The following ARHGEF10L variants were observed in gnomAD, a reference collection of about 807,000 sequenced individuals.
ARHGEF10L encodes rho guanine nucleotide exchange factor 10-like protein.
In ARHGEF10L, 69 loss-of-function variants were observed where a neutral mutation model predicts 141.2. The observed-to-expected ratio is 0.49, with a 90% confidence interval of 0.40 to 0.60. The LOEUF (loss-of-function observed/expected upper bound fraction) is 0.60, where lower values mean the gene tolerates loss of function less well. Among genes scored for constraint, ARHGEF10L ranks in the 20% least tolerant of loss-of-function variants. The probability of loss-of-function intolerance (pLI) is 0.00; values close to 1 mark genes in which losing one functional copy is unlikely to be tolerated. For missense variants in ARHGEF10L, 1,482 were observed against 1,734.3 expected (o/e 0.85, Z 2.58); for synonymous variants, 711 against 718.5 (o/e 0.99, Z 0.17).
rs1201879968 is a variant in ARHGEF10L at position 17,619,949 on chromosome 1, G to A, written c.942+504G>A. On this transcript the variant is annotated intron_variant, in intron 10 of 28. Transcript: ENST00000361221. This position sits in a 1 kb window ranked among gnomAD's most constrained non-coding sequence, Gnocchi z 5.0. ...CATGCCTGTAACCCCAGCACTTTGG[G>A]AGGGTGAAGCCGGTGGGTCAGCTGA... 6.6e-6 allele frequency among the ~76,000 whole-genome samples: 1 copy of A among 152,152 alleles called. No homozygotes were observed. The highest frequency in any genetic ancestry group is 1.5e-5 in the Non-Finnish European group (1 of 68,028).
chr1:17,693,007 C>G (rs942259825), intron 27 of ARHGEF10L, among the ~76,000 whole-genome samples: 13 of 152,200 alleles, frequency 8.5e-5, no homozygotes, highest in Non-Finnish European at 1.5e-4. Context: ...AGAGGGAGGC[C>G]TGAAGACCCG....
chr1:17,652,862 G>T (rs888721634), intron 22 of ARHGEF10L, among the ~76,000 whole-genome samples: 3 of 152,158 alleles, frequency 2.0e-5, no homozygotes, highest in East Asian at 1.9e-4. Flanking sequence ...CCCACAGGGG[G>T]TCTGTGGCCA....
intron 1 of ARHGEF10L, among the ~76,000 whole-genome samples, chr1:17,541,770 C>A (rs538508355): frequency 6.6e-6 from 1 of 151,792 alleles, no homozygotes; most frequent in Admixed American, 6.6e-5. Context: ...GAGTTCAGGA[C>A]TAGCCTGGCC....
At chr1:17,531,226 G>C in the ARHGEF10L span, among the ~76,000 whole-genome samples, 1 of 152,076 alleles carries the variant, frequency 6.6e-6, no homozygotes, top group Non-Finnish European at 1.5e-5. Flanking sequence ...GGATACAGTG[G>C]GGACTCAGGG....
chr1:17,576,257 T>C (rs1020993428), intron 1 of ARHGEF10L, among the ~76,000 whole-genome samples: 17 of 152,016 alleles, frequency 1.1e-4, no homozygotes, highest in African/African-American at 4.1e-4. Context: ...AGATGGACTT[T>C]GAACCCTAGT....
chr1:17,609,503 C>G (rs1278956159), intron 7 of ARHGEF10L, among the ~76,000 whole-genome samples: 1 of 152,192 alleles, frequency 6.6e-6, no homozygotes, highest in Non-Finnish European at 1.5e-5. Flanking sequence ...GCTCAGTGAA[C>G]CTTTACGGTC....
At chr1:17,534,112 C>T in the ARHGEF10L span, among the ~76,000 whole-genome samples, 4 of 151,878 alleles carry the variant, frequency 2.6e-5, no homozygotes, top group Non-Finnish European at 5.9e-5. Flanking sequence ...CAAGCAGCTG[C>T]CACCACACCT....
intron 1 of ARHGEF10L, among the ~76,000 whole-genome samples, chr1:17,541,450 C>A (rs566340514): frequency 4.2e-4 from 64 of 152,300 alleles, no homozygotes; most frequent in Middle Eastern, 3.4e-3. Context: ...ACTAATGGTT[C>A]CCAAATTCTG....
chr1:17,610,521 T>G (rs2059492826), intron 7 of ARHGEF10L, among the ~76,000 whole-genome samples: 1 of 152,198 alleles, frequency 6.6e-6, no homozygotes, highest in Admixed American at 6.5e-5. Flanking sequence ...GACAGGAGGT[T>G]GCGGAGGGCT....
intron 10 of ARHGEF10L, among the ~76,000 whole-genome samples, chr1:17,620,045 C>CA (rs1269927512): frequency 6.6e-6 from 1 of 151,564 alleles, no homozygotes; most frequent in Non-Finnish European, 1.5e-5. Flanking sequence ...AAAAAACAAA[C>CA]AAAAAAAATT....
In ARHGEF10L at chr1:17,625,805, G is replaced by A. The variant is rs912377799; in HGVS notation, c.1318-151G>A. 3.7e-5 allele frequency: 25 copies of A among 667,066 alleles called. No homozygotes were observed. Among genetic ancestry groups the A allele is most frequent in the South Asian group, 5.5e-5 (3 of 54,096 alleles). The allele number at this position is 667,066 out of a possible 1,614,324, so 41.3% of individuals were successfully genotyped here. On this transcript the variant is annotated intron_variant, in intron 13 of 28. Transcript: ENST00000361221. The surrounding 1 kb of genome is among the most constrained non-coding windows in gnomAD (Gnocchi z 4.5). ...GAGGGATCCCTGGCTGCAGAACCAC[G>A]GACCTCTCTCAGCTCTTCTTGCAAG... is the stretch of plus-strand genomic sequence containing the variant.
At position 17,601,789 on chromosome 1, in the gene ARHGEF10L, C is replaced by T. The variant is rs536257512; in HGVS notation, c.258-338C>T. Among the ~76,000 whole-genome samples the T allele has an allele frequency of 1.9e-4, 29 of 152,260 alleles. 1 individual carries two copies. The highest frequency in any genetic ancestry group is 1.6e-3 in the Admixed American group (25 of 15,288). On this transcript the variant is annotated intron_variant, in intron 4 of 28. Transcript: ENST00000361221. Reference sequence around the variant, plus strand: ...AGAGGCAGGGATCCCCCAGCCTGCCCCTTCTGTTGTATGTGGGAGAGTGGA... The same window carrying T: ...AGAGGCAGGGATCCCCCAGCCTGCCTCTTCTGTTGTATGTGGGAGAGTGGA...
At chr1:17,684,620 G>C (rs1193539116) in intron 26 of ARHGEF10L, among the ~76,000 whole-genome samples, 1 of 152,178 alleles carries the variant, frequency 6.6e-6, no homozygotes, top group Non-Finnish European at 1.5e-5. Context: ...CTCTGAGCAT[G>C]CCCAGCTTGA....
At chr1:17,633,664 TA>T (rs2060834219) in intron 16 of ARHGEF10L, among the ~76,000 whole-genome samples, 2 of 152,240 alleles carry the variant, frequency 1.3e-5, no homozygotes, top group South Asian at 4.2e-4. Flanking sequence ...GACACCACTT[TA>T]AAAAGCATCA....
chr1:17,669,281 G>C (rs1189001083), intron 26 of ARHGEF10L, among the ~76,000 whole-genome samples: 3 of 152,192 alleles, frequency 2.0e-5, no homozygotes, highest in Non-Finnish European at 4.4e-5. Flanking sequence ...AAACACAGGG[G>C]CTTAATCTAG....
At chr1:17,602,742 C>T (rs1463271066) in intron 5 of ARHGEF10L, among the ~76,000 whole-genome samples, 2 of 152,074 alleles carry the variant, frequency 1.3e-5, no homozygotes, top group African/African-American at 4.8e-5. Flanking sequence ...TCCTCAGGGC[C>T]CCAGAGGCAG....
the ARHGEF10L span, among the ~76,000 whole-genome samples, chr1:17,519,724 A>T: frequency 7.8e-4 from 119 of 152,010 alleles, 2 homozygotes; most frequent in African/African-American, 2.7e-3. Flanking sequence ...AATCCCAGCT[A>T]CTCGGGAGGC....
At chr1:17,582,960 C>T (rs1419853737) in intron 2 of ARHGEF10L, among the ~76,000 whole-genome samples, 1 of 151,632 alleles carries the variant, frequency 6.6e-6, no homozygotes, top group Admixed American at 6.6e-5. Context: ...GGCACAGTGG[C>T]TCATGCCTAT....
In ARHGEF10L at chr1:17,654,688, C is replaced by A; in HGVS notation, c.2447C>A (p.Ala816Glu). The A allele has an allele frequency of 1.9e-6, 3 of 1,614,212 alleles. No homozygotes were observed. The South Asian group carries it at 3.3e-5, about 18-fold the overall frequency. ...AACTGTCCCCTGCTGGGTTTCTCAGCAGTCAGCACCTCCCTTCCACAGGGC... is the reference window on the plus strand; with the variant it reads ...AACTGTCCCCTGCTGGGTTTCTCAGAAGTCAGCACCTCCCTTCCACAGGGC... ...PVNCPLLGFS[A>E]VSTSLPQGYL... The change falls in exon 23 of 29, where the codon GCA becomes GAA. Residue 816 changes from alanine to glutamate, a missense_variant. Coordinates refer to ENST00000361221, the MANE Select transcript of ARHGEF10L (RefSeq NM_018125.4). The surrounding 1 kb of genome is among the most constrained non-coding windows in gnomAD (Gnocchi z 4.3).
Sources: gnomAD v4.1 joint callset for allele counts (sites outside exome capture counted in the v4.1 genomes callset) on GRCh38, gnomAD v4.1.1 for gene constraint, Gnocchi (gnomAD v3.1) non-coding constraint, MANE v1.5 for transcripts, NCBI Gene and HGNC (gene_info 2026-07-23, HGNC 2026-07-21) for gene names.